Variants in APBB1 observed in about 807,000 individuals in gnomAD.
APBB1 encodes the protein adaptor protein FE65a2.
Under a neutral mutation model 78.4 loss-of-function variants are expected in APBB1, and 22 were observed. That is an observed-to-expected ratio of 0.28 (90% CI 0.20 to 0.40). The LOEUF (loss-of-function observed/expected upper bound fraction) is 0.40, where lower values mean the gene tolerates loss of function less well. Among genes scored for constraint, APBB1 ranks in the 10% least tolerant of loss-of-function variants. The pLI is 1.00. For synonymous variants in APBB1, 369 were observed against 372.7 expected, an observed-to-expected ratio of 0.99 and a Z score of 0.12; for missense variants, 749 against 932.4, an observed-to-expected ratio of 0.80 and a Z score of 2.56.
In APBB1 at chr11:6,410,907, A is replaced by T; in HGVS notation, c.441T>A (p.Asp147Glu). 1 of 1,613,842 alleles carries T rather than the reference A, an allele frequency of 6.2e-7. No homozygotes were observed. Among genetic ancestry groups the T allele is most frequent in the Non-Finnish European group, 8.5e-7 (1 of 1,179,962 alleles). ...LIISTQEQGP[D>E]EGEEKAAGEA... ...CCCCGGCCGCCTTCTCCTCTCCCTC[A>T]TCTGGCCCCTGCTCTTGAGTGCTGA... The change falls in exon 2 of 15, where the codon GAT becomes GAA. Residue 147 changes from aspartate to glutamate, a missense_variant. Around this residue, in one of 3 missense-constraint regions of APBB1, gnomAD observed 635 missense variants for 765.0 expected, o/e 0.83. Coordinates refer to ENST00000609360, the MANE Select transcript of APBB1 (RefSeq NM_001164.5).
rs1448115530 is a variant in APBB1, at chr11:6,395,599, G to A, written c.2068C>T (p.Arg690Cys). The change falls in exon 15 of 15, where the codon CGC (arginine) becomes TGC (cysteine). Residue 690 changes from arginine (R) to cysteine (C), a missense_variant. Around this residue, in one of 3 missense-constraint regions of APBB1, gnomAD observed 96 missense variants for 116.0 expected, o/e 0.83. Transcript: ENST00000609360. The surrounding 1 kb of genome is among the most constrained non-coding windows in gnomAD (Gnocchi z 5.2). ...SVARRVGWTV[R>C]RGVQSLWGSL... Reference sequence around the variant, plus strand: ...CCCCACAGCGACTGAACACCCCTGCGGACAGTCCACCCTACACGCCGTGCC... The same window carrying A: ...CCCCACAGCGACTGAACACCCCTGCAGACAGTCCACCCTACACGCCGTGCC... 3.8e-6 allele frequency: 6 copies of A among 1,595,774 alleles called. No individual in the cohort carries two copies. The highest frequency in any genetic ancestry group is 4.3e-6 in the Non-Finnish European group (5 of 1,169,668).
rs142432366 is a variant in APBB1 at position 6,405,753 on chromosome 11, C to G, written c.722-1931G>C. The G allele has an allele frequency of 1.1e-5, 10 of 870,970 alleles. No individual in the cohort carries two copies. The East Asian group carries it at 1.1e-3, about 95-fold the overall frequency. 54.0% of individuals were successfully genotyped at this position (870,970 alleles called of 1,614,324 possible). ...CGCCTCTCCTCACCCCCACTTCCCC[C>G]TAACTCACACTCTATGGAATAAGGT... On this transcript the variant is annotated intron_variant, in intron 2 of 14. Coordinates refer to ENST00000609360, the MANE Select transcript of APBB1 (RefSeq NM_001164.5).
At chr11:6,412,957 T>C (rs1389654757) in intron 1 of APBB1, among the ~76,000 whole-genome samples, 1 of 151,954 alleles carries the variant, frequency 6.6e-6, no homozygotes, top group Non-Finnish European at 1.5e-5. Flanking sequence ...TGGGTCAGTT[T>C]CTCCGCAACC....
intron 12 of APBB1, among the ~76,000 whole-genome samples, chr11:6,398,376 G>A (rs1197313267): frequency 6.6e-6 from 1 of 152,182 alleles, no homozygotes; most frequent in Non-Finnish European, 1.5e-5. Flanking sequence ...AATAGTGCCT[G>A]ACATGTATCA....
At chr11:6,402,417 C>A in intron 7 of APBB1, 159 bp downstream of exon 7, 1 of 1,089,374 alleles carries the variant, frequency 9.2e-7, no homozygotes, top group Admixed American at 2.3e-5. Flanking sequence ...TCCCAAGGTC[C>A]TGGCCTGGGG....
intron 2 of APBB1, among the ~76,000 whole-genome samples, chr11:6,407,629 T>C (rs1188420330): frequency 1.3e-5 from 2 of 152,216 alleles, no homozygotes; most frequent in Non-Finnish European, 2.9e-5. Flanking sequence ...ATTGAGACTA[T>C]ATTTTTCCTC....
chr11:6,412,394 G>A (rs1355307305), intron 1 of APBB1, among the ~76,000 whole-genome samples: 8 of 151,736 alleles, frequency 5.3e-5, no homozygotes, highest in Admixed American at 1.3e-4. Context: ...CTCGTGATCC[G>A]CCCACTTCGG....
At chr11:6,407,774 T>C (rs1480000753) in intron 2 of APBB1, among the ~76,000 whole-genome samples, 1 of 58,446 alleles carries the variant, frequency 1.7e-5, no homozygotes, top group Non-Finnish European at 3.2e-5. Context: ...AGTAGAAGTA[T>C]TTTTTTTTTT....
At chr11:6,398,084 G>T (rs1377467863) in intron 12 of APBB1, among the ~76,000 whole-genome samples, 4 of 152,206 alleles carry the variant, frequency 2.6e-5, no homozygotes, top group African/African-American at 9.7e-5. Context: ...GGGAAGTTTG[G>T]CAGGGAAGCA....
Position 6,412,351 on chromosome 11 carries a change from C to T in APBB1, c.-14-990G>A, listed in dbSNP as rs12287343. Among the ~76,000 whole-genome samples the T allele has an allele frequency of 1.1e-4, 16 of 152,154 alleles. 1 individual carries two copies. Among genetic ancestry groups the T allele is most frequent in the African/African-American group, 3.9e-4 (16 of 41,438 alleles). ...TATTTTTAGTAGAGACGGGGCTTCA[C>T]CATGTTGGTCAGGCTGATCTCAAAC... On this transcript the variant is annotated intron_variant, in intron 1 of 14. Transcript: ENST00000609360.
intron 1 of APBB1, among the ~76,000 whole-genome samples, chr11:6,414,548 G>A (rs1849072892): frequency 6.6e-6 from 1 of 152,202 alleles, no homozygotes; most frequent in Admixed American, 6.5e-5. Context: ...GCTCAGAACT[G>A]GCTGGGAATA....
intron 1 of APBB1, among the ~76,000 whole-genome samples, chr11:6,414,609 G>C (rs939476317): frequency 1.3e-5 from 2 of 152,206 alleles, no homozygotes; most frequent in Non-Finnish European, 1.5e-5. Context: ...AGCAAAGGGA[G>C]TGTTTGGGAG....
At chr11:6,413,946 G>GA (rs1023804500) in intron 1 of APBB1, among the ~76,000 whole-genome samples, 6 of 152,034 alleles carry the variant, frequency 3.9e-5, no homozygotes, top group South Asian at 2.1e-4. Context: ...AATAAATGAA[G>GA]AAAAAAATAG....
intron 2 of APBB1, among the ~76,000 whole-genome samples, chr11:6,408,382 T>C (rs1204464422): frequency 6.6e-6 from 1 of 152,154 alleles, no homozygotes; most frequent in African/African-American, 2.4e-5. Flanking sequence ...AGGCCAGACA[T>C]GGTTGCTCAC....
At chr11:6,402,880 G>T in intron 6 of APBB1, 155 bp from the exon 7 acceptor site, 1 of 988,900 alleles carries the variant, frequency 1.0e-6, no homozygotes, top group Non-Finnish European at 1.5e-6. Context: ...TGTGGTTAGG[G>T]TGAGGGAGAT....
At chr11:6,404,622 T>C (rs1848707135) in intron 2 of APBB1, 7 of 1,536,282 alleles carry the variant, frequency 4.6e-6, no homozygotes, top group Non-Finnish European at 6.1e-6. Context: ...ATCTGTGTCA[T>C]ACACCCTTGT....
rs1848969910 is a variant in APBB1, at chr11:6,411,749, T to G, written c.-14-388A>C. On this transcript the variant is annotated intron_variant, in intron 1 of 14. Coordinates refer to ENST00000609360, the MANE Select transcript of APBB1 (RefSeq NM_001164.5). This position sits in a 1 kb window ranked among gnomAD's most constrained non-coding sequence, Gnocchi z 5.2. ...CTAGAGTGGGACCGGCTCGTGTGTT[T>G]TGGACACTGATCACTGACTGCCCCT... is the stretch of plus-strand genomic sequence containing the variant. Among the ~76,000 whole-genome samples, 1 of 152,100 alleles carries G rather than the reference T, an allele frequency of 6.6e-6. No individual in the cohort carries two copies. Among genetic ancestry groups the G allele is most frequent in the African/African-American group, 2.4e-5 (1 of 41,410 alleles).
At chr11:6,415,204 G>T (rs1216944585) in intron 1 of APBB1, among the ~76,000 whole-genome samples, 1 of 152,206 alleles carries the variant, frequency 6.6e-6, no homozygotes, top group African/African-American at 2.4e-5. Context: ...ACTGGGTTCT[G>T]GCTCAAGGCA....
At chr11:6,402,022 G>C in intron 8 of APBB1, 40 bp from the exon 9 acceptor site, 3 of 1,602,510 alleles carry the variant, frequency 1.9e-6, no homozygotes, top group Non-Finnish European at 2.6e-6. Flanking sequence ...AACAGAGTTA[G>C]AGAGGAGGAC....
Sources: gnomAD v4.1 joint callset for allele counts (sites outside exome capture counted in the v4.1 genomes callset) on GRCh38, gnomAD v4.1.1 for gene constraint, gnomAD v4.1.1 regional missense constraint, Gnocchi (gnomAD v3.1) non-coding constraint, MANE v1.5 for transcripts, NCBI Gene and HGNC (gene_info 2026-07-23, HGNC 2026-07-21) for gene names.